Variants in AGTPBP1 observed in about 807,000 individuals in gnomAD.
The protein encoded by AGTPBP1 is cytosolic carboxypeptidase 1.
Under a neutral mutation model 143.9 loss-of-function variants are expected in AGTPBP1, and 70 were observed. The observed-to-expected ratio is 0.49, with a 90% CI of 0.40 to 0.59. AGTPBP1 has a LOEUF of 0.59. AGTPBP1 is among the 20% of genes least tolerant of loss of function. AGTPBP1 has a pLI of 0.00. For synonymous variants in AGTPBP1, 463 were observed against 500.2 expected (o/e 0.93, Z 0.99); for missense variants, 1,229 against 1,464.5 (o/e 0.84, Z 2.62).
intron 2 of AGTPBP1, among the ~76,000 whole-genome samples, chr9:85,710,801 T>A (rs1172372626): frequency 6.6e-6 from 1 of 152,164 alleles, no homozygotes; most frequent in Non-Finnish European, 1.5e-5. Flanking sequence ...CACATTTTTA[T>A]GAACAATGAT....
chr9:85,788,298 A>G, the AGTPBP1 span, among the ~76,000 whole-genome samples: 3 of 150,974 alleles, frequency 2.0e-5, no homozygotes, highest in African/African-American at 7.3e-5. Context: ...CCACTTTTAT[A>G]AATTTATGTA....
upstream of AGTPBP1, among the ~76,000 whole-genome samples, chr9:85,745,171 A>T (rs549878110): frequency 2.6e-5 from 4 of 152,232 alleles, no homozygotes; most frequent in African/African-American, 9.6e-5. Context: ...GGATCACCTT[A>T]TCTCCATGCT....
At chr9:85,671,532 T>C (rs905318885) in intron 7 of AGTPBP1, among the ~76,000 whole-genome samples, 6 of 152,208 alleles carry the variant, frequency 3.9e-5, no homozygotes, top group Non-Finnish European at 8.8e-5. Flanking sequence ...CATAAGCTTA[T>C]GTATGTTTAT....
chr9:85,780,888 G>A, the AGTPBP1 span, among the ~76,000 whole-genome samples: 9 of 152,242 alleles, frequency 5.9e-5, no homozygotes, highest in Middle Eastern at 6.8e-3. Flanking sequence ...AAGCCAAGGC[G>A]GGCAGTTCAC....
chr9:85,767,327 G>A, the AGTPBP1 span, among the ~76,000 whole-genome samples: 3 of 144,254 alleles, frequency 2.1e-5, no homozygotes, highest in African/African-American at 5.2e-5. Context: ...GATTACAGAT[G>A]TGCACTACCA....
intron 12 of AGTPBP1, 68 bp from the exon 13 acceptor site, chr9:85,643,011 G>A: frequency 5.1e-6 from 5 of 987,014 alleles, no homozygotes; most frequent in Non-Finnish European, 7.7e-6. Flanking sequence ...AAACATTTTA[G>A]ATTTAAAATG....
At chr9:85,722,191 T>C (rs1464996144) in intron 1 of AGTPBP1, among the ~76,000 whole-genome samples, 1 of 152,178 alleles carries the variant, frequency 6.6e-6, no homozygotes, top group Non-Finnish European at 1.5e-5. Context: ...TTGTTCTCTG[T>C]ATTTCCTGAA....
intron 19 of AGTPBP1, among the ~76,000 whole-genome samples, chr9:85,590,019 T>A (rs1032894085): frequency 2.4e-4 from 36 of 152,230 alleles, no homozygotes; most frequent in Non-Finnish European, 1.3e-4. Flanking sequence ...CCAAACGAGT[T>A]CCAAAAAACC....
At chr9:85,630,391 C>CTTATTTATTTATTTATTTATTTATTTAT (rs201466007) in intron 14 of AGTPBP1, among the ~76,000 whole-genome samples, 62 of 151,486 alleles carry the variant, frequency 4.1e-4, no homozygotes, top group African/African-American at 1.4e-3. Flanking sequence ...TACTTACTTA[C>CTTATTTATTTATTTATTTATTTATTTAT]TTATTTATTT....
At chr9:85,749,186 G>T in the AGTPBP1 span, among the ~76,000 whole-genome samples, 1 of 151,346 alleles carries the variant, frequency 6.6e-6, no homozygotes, top group African/African-American at 2.4e-5. Context: ...GTAGAGATAG[G>T]GTCTTACTAT....
At chr9:85,725,229 G>T (rs1195786844) in intron 1 of AGTPBP1, among the ~76,000 whole-genome samples, 4 of 152,098 alleles carry the variant, frequency 2.6e-5, no homozygotes, top group African/African-American at 7.2e-5. Flanking sequence ...GTAAGGCAGG[G>T]ATTCTCAACC....
intron 8 of AGTPBP1, among the ~76,000 whole-genome samples, chr9:85,661,941 C>T (rs551181068): frequency 2.6e-5 from 4 of 152,174 alleles, no homozygotes; most frequent in Middle Eastern, 3.4e-3. Context: ...GTAGCAAGTT[C>T]TTCGTGGTTA....
chr9:85,669,600 G>T, intron 7 of AGTPBP1, 22 bp from the exon 8 acceptor site: 2 of 1,551,794 alleles, frequency 1.3e-6, no homozygotes, highest in Admixed American at 1.7e-5. Context: ...AGAAAGAGAT[G>T]CAAAATTATT....
rs186027318 is a variant in AGTPBP1 at position 85,630,399 on chromosome 9, T to C, written c.2015+2263A>G. ...ACTTACTTACTTACTTACTTATTTA[T>C]TTAGTTATTTATTTATTGAGACAGA... On this transcript the variant is annotated intron_variant, in intron 14 of 25. Coordinates refer to ENST00000357081, the MANE Select transcript of AGTPBP1 (RefSeq NM_001330701.2). 2.2e-3 allele frequency among the ~76,000 whole-genome samples: 319 copies of C among 145,746 alleles called. 1 individual carries two copies. The highest frequency in any genetic ancestry group is 7.1e-3 in the African/African-American group (281 of 39,346).
At chr9:85,768,557 T>A in the AGTPBP1 span, among the ~76,000 whole-genome samples, 1 of 152,224 alleles carries the variant, frequency 6.6e-6, no homozygotes, top group Admixed American at 6.5e-5. Context: ...CTATATTGGA[T>A]AATTCACTTT....
chr9:85,792,741 CAT>C, the AGTPBP1 span, among the ~76,000 whole-genome samples: 2 of 152,168 alleles, frequency 1.3e-5, no homozygotes, highest in African/African-American at 2.4e-5. Context: ...ATTTTTGTTA[CAT>C]AGTCTTACTT....
chr9:85,647,737 G>A (rs959500891), intron 11 of AGTPBP1, among the ~76,000 whole-genome samples: 2 of 152,164 alleles, frequency 1.3e-5, no homozygotes, highest in African/African-American at 2.4e-5. Flanking sequence ...ATGTAATGGT[G>A]GGTGAGTGTG....
chr9:85,715,306 A>C (rs1042979444), intron 1 of AGTPBP1, among the ~76,000 whole-genome samples: 3 of 152,064 alleles, frequency 2.0e-5, no homozygotes, highest in Non-Finnish European at 4.4e-5. Flanking sequence ...GAGGGAGGAA[A>C]GAAGGAAGGT....
At chr9:85,788,401 T>C in the AGTPBP1 span, among the ~76,000 whole-genome samples, 3 of 148,806 alleles carry the variant, frequency 2.0e-5, no homozygotes, top group African/African-American at 7.4e-5. Context: ...CATTATTATA[T>C]ATATTTCATA....
Sources: allele counts gnomAD v4.1 joint callset (sites outside exome capture counted in the v4.1 genomes callset), GRCh38; gene constraint gnomAD v4.1.1; transcripts MANE v1.5; gene names NCBI Gene and HGNC (gene_info 2026-07-23, HGNC 2026-07-21).